The following ASTN2 variants were observed in gnomAD, a reference collection of about 807,000 sequenced individuals.
ASTN2 encodes astrotactin-2.
ASTN2 carries 54 observed loss-of-function variants against 139.8 expected under a neutral mutation model. The observed-to-expected ratio is 0.39, with a 90% CI of 0.31 to 0.48. The LOEUF (loss-of-function observed/expected upper bound fraction) is 0.48, where lower values mean the gene tolerates loss of function less well. Among genes scored for constraint, ASTN2 ranks in the 20% least tolerant of loss-of-function variants. The pLI, the probability that ASTN2 is intolerant of heterozygous loss-of-function variation, is 0.95. For missense variants in ASTN2, 1,565 were observed against 1,725.1 expected, an observed-to-expected ratio of 0.91 and a Z score of 1.64; for synonymous variants, 756 against 719.5, an observed-to-expected ratio of 1.05 and a Z score of -0.81.
intron 19 of ASTN2, chr9:116,583,206 T>C (rs1463082893): frequency 6.6e-6 from 1 of 152,178 alleles, no homozygotes; most frequent in Non-Finnish European, 1.5e-5. Context: ...ATAAAGTGAT[T>C]TGTCTAATTA....
chr9:116,776,273 G>A (rs1830087119), intron 13 of ASTN2, among the ~76,000 whole-genome samples: 1 of 152,192 alleles, frequency 6.6e-6, no homozygotes, highest in Non-Finnish European at 1.5e-5. Context: ...AAGGTACAGG[G>A]TGAGGGGACT....
Position 117,414,479 on chromosome 9 carries a change from G to A in ASTN2, c.442+18C>T, listed in dbSNP as rs1451257942. On this transcript the variant is annotated intron_variant, in intron 1 of 22. Coordinates refer to ENST00000313400, the MANE Select transcript of ASTN2 (RefSeq NM_001365068.1). The surrounding 1 kb of genome is among the most constrained non-coding windows in gnomAD (Gnocchi z 4.2). ...CGGGGTTCCTTGGGATCTAGCGCGT[G>A]CCGGCGCCCAGCCTTACCCAGGGTG... 3.1e-6 allele frequency: 5 copies of A among 1,606,958 alleles called. No individual in the cohort carries two copies. The East Asian group carries it at 6.8e-5, about 22-fold the overall frequency.
chr9:116,961,152 A>G (rs1696637825), intron 10 of ASTN2, among the ~76,000 whole-genome samples: 1 of 151,338 alleles, frequency 6.6e-6, no homozygotes, highest in African/African-American at 2.4e-5. Context: ...CCCCAAAACC[A>G]TTCTTTTTTC....
At chr9:116,822,314 AAGT>A (rs1831509060) in intron 11 of ASTN2, among the ~76,000 whole-genome samples, 1 of 152,168 alleles carries the variant, frequency 6.6e-6, no homozygotes, top group Non-Finnish European at 1.5e-5. Context: ...GTGACGGAGA[AAGT>A]AGGTTATAAA....
At chr9:117,073,483 C>T (rs1009614315) in intron 5 of ASTN2, among the ~76,000 whole-genome samples, 4 of 152,196 alleles carry the variant, frequency 2.6e-5, no homozygotes, top group African/African-American at 7.2e-5. Flanking sequence ...AGCCCACAAA[C>T]TCCCATTATA....
At chr9:117,017,417 C>T (rs963139731) in intron 6 of ASTN2, among the ~76,000 whole-genome samples, 4 of 152,088 alleles carry the variant, frequency 2.6e-5, no homozygotes, top group African/African-American at 9.7e-5. Flanking sequence ...ATTCCTAATA[C>T]TGAAAAATCT....
chr9:117,136,913 T>G (rs553481746), intron 4 of ASTN2, among the ~76,000 whole-genome samples: 1 of 152,354 alleles, frequency 6.6e-6, no homozygotes, highest in South Asian at 2.1e-4. Flanking sequence ...AACAGAGCTC[T>G]TATTAATTAG....
intron 6 of ASTN2, among the ~76,000 whole-genome samples, chr9:117,008,671 T>G (rs939931087): frequency 6.6e-6 from 1 of 152,136 alleles, no homozygotes; most frequent in African/African-American, 2.4e-5. Context: ...AGCTGGCACC[T>G]GACTTATTAT....
intron 12 of ASTN2, among the ~76,000 whole-genome samples, chr9:116,815,581 G>A (rs1428423957): frequency 1.3e-5 from 2 of 151,618 alleles, no homozygotes; most frequent in African/African-American, 4.9e-5. Context: ...TGAGGCGGGT[G>A]GATCACGAGG....
rs1164878126 is a variant in ASTN2, at chr9:116,565,388, CATATATATATATATATATAT to C, written c.3355+52916_3355+52935del. Among the ~76,000 whole-genome samples the C allele has an allele frequency of 1.1e-3, 39 of 34,020 alleles. 1 individual carries two copies. Among genetic ancestry groups the C allele is most frequent in the Non-Finnish European group, 1.7e-3 (36 of 20,676 alleles). 22.3% of individuals were successfully genotyped at this position (34,020 alleles called of 152,430 possible). A position where few individuals can be genotyped will look rare whatever the true frequency, so the allele number is the denominator to read the frequency against. On this transcript the variant is annotated intron_variant, in intron 19 of 22. Transcript: ENST00000313400. ...CTCTCTCTCTCTCTCTCTCTCTCTC[CATATATATATATATATATAT>C]ATATATATATATATATATATATTTA...
Position 116,527,751 on chromosome 9 carries a change from G to A in ASTN2, c.3356-40251C>T, listed in dbSNP as rs530399640. Among the ~76,000 whole-genome samples, 5 of 152,128 alleles carry A rather than the reference G, an allele frequency of 3.3e-5. No homozygotes were observed. The East Asian group carries it at 5.8e-4, about 18-fold the overall frequency. On this transcript the variant is annotated intron_variant, in intron 19 of 22. Transcript: ENST00000313400. Reference sequence around the variant, plus strand: ...TGATGGGAGGTGATTGGGTCATATGGGTGGTCACCCCCATGCTGTTCTCAT... The same window carrying A: ...TGATGGGAGGTGATTGGGTCATATGAGTGGTCACCCCCATGCTGTTCTCAT...
At chr9:116,961,146 A>C (rs1304001103) in intron 10 of ASTN2, among the ~76,000 whole-genome samples, 1 of 151,710 alleles carries the variant, frequency 6.6e-6, no homozygotes, top group Admixed American at 6.6e-5. Context: ...CCCTTCCCCC[A>C]AAACCATTCT....
At chr9:117,260,409 G>T (rs1217135677) in intron 2 of ASTN2, among the ~76,000 whole-genome samples, 2 of 152,170 alleles carry the variant, frequency 1.3e-5, no homozygotes, top group South Asian at 2.1e-4. Context: ...TAAGTGCCAA[G>T]ATTGAGGCAA....
chr9:116,945,090 A>G (rs1353601343), intron 10 of ASTN2, among the ~76,000 whole-genome samples: 1 of 152,192 alleles, frequency 6.6e-6, no homozygotes. Context: ...CAAGGTCTCA[A>G]GAAGGCAAAA....
chr9:116,776,186 G>C (rs1830084835), intron 13 of ASTN2, among the ~76,000 whole-genome samples: 1 of 152,102 alleles, frequency 6.6e-6, no homozygotes, highest in Non-Finnish European at 1.5e-5. Flanking sequence ...CATTCTGTGG[G>C]GTTTGTATTC....
At chr9:117,210,848 A>G (rs1033189993) in intron 3 of ASTN2, among the ~76,000 whole-genome samples, 2 of 152,210 alleles carry the variant, frequency 1.3e-5, no homozygotes, top group South Asian at 2.1e-4. Context: ...AAAAGATAAT[A>G]CACCATGATC....
At chr9:116,934,624 G>T (rs1835011137) in intron 10 of ASTN2, among the ~76,000 whole-genome samples, 1 of 152,160 alleles carries the variant, frequency 6.6e-6, no homozygotes, top group East Asian at 1.9e-4. Context: ...GGGAGTGGAA[G>T]GTGGGAGGGG....
intron 20 of ASTN2, among the ~76,000 whole-genome samples, chr9:116,478,283 A>AAG (rs1849057496): frequency 6.7e-6 from 1 of 150,172 alleles, no homozygotes; most frequent in East Asian, 2.0e-4. Flanking sequence ...AGGAAGGAAG[A>AAG]GAGCCAGGGA....
At chr9:116,597,037 A>G (rs962734086) in intron 19 of ASTN2, among the ~76,000 whole-genome samples, 1 of 152,120 alleles carries the variant, frequency 6.6e-6, no homozygotes, top group Non-Finnish European at 1.5e-5. Context: ...AGTTTGGGTT[A>G]TATTGTTCTC....
Sources: gnomAD v4.1 joint callset for allele counts (sites outside exome capture counted in the v4.1 genomes callset) on GRCh38, gnomAD v4.1.1 for gene constraint, Gnocchi (gnomAD v3.1) non-coding constraint, MANE v1.5 for transcripts, NCBI Gene and HGNC (gene_info 2026-07-23, HGNC 2026-07-21) for gene names.